The following NUDT4 variants were observed in gnomAD, a reference collection of about 807,000 sequenced individuals.
NUDT4 encodes diphosphoinositol polyphosphate phosphohydrolase 2.
In NUDT4, 5 loss-of-function variants were observed where a neutral mutation model predicts 23.1. The ratio of observed to expected loss-of-function variants is 0.22; its 90% CI spans 0.11 to 0.46. The LOEUF (loss-of-function observed/expected upper bound fraction) is 0.46. Ranked by LOEUF, NUDT4 falls within the 20% of genes least tolerant of loss-of-function variation. NUDT4 has a pLI of 0.99. For missense variants in NUDT4, 96 were observed against 211.6 expected, an observed-to-expected ratio of 0.45 and a Z score of 3.39; for synonymous variants, 50 against 79.0, an observed-to-expected ratio of 0.63 and a Z score of 1.95.
Position 93,383,530 on chromosome 12 carries a change from C to T in NUDT4, c.99+5109C>T, listed in dbSNP as rs572823572. ...TAATTTGGAAAGAAAGAATAGCAAC[C>T]TCGAAACAGTTTCTGAGTAGGCCAG... On this transcript the variant is annotated intron_variant, in intron 1 of 4. Coordinates refer to ENST00000415493, the MANE Select transcript of NUDT4 (RefSeq NM_019094.6). Among the ~76,000 whole-genome samples the T allele has an allele frequency of 1.2e-4, 19 of 152,176 alleles. 1 individual carries two copies. The highest frequency in any genetic ancestry group is 7.3e-5 in the Non-Finnish European group (5 of 68,034).
intron 1 of NUDT4, among the ~76,000 whole-genome samples, chr12:93,389,471 T>G (rs1876332066): frequency 6.6e-6 from 1 of 151,718 alleles, no homozygotes; most frequent in Admixed American, 6.6e-5. Context: ...CTTATCAAAT[T>G]TATATACTAT....
rs1877210559 is a variant in NUDT4 at position 93,399,435 on chromosome 12, T to G, written c.*56T>G. 1 of 487,286 alleles carries G rather than the reference T, an allele frequency of 2.1e-6. No homozygotes were observed. The highest frequency in any genetic ancestry group is 4.2e-5 in the Admixed American group (1 of 23,796). 30.2% of individuals were successfully genotyped at this position (487,286 alleles called of 1,614,324 possible). On this transcript the variant is annotated 3_prime_UTR_variant, in exon 5 of 5. Transcript: ENST00000415493. ...GCAGTCTCATGGGGAGAGGCTTCTT[T>G]CGTTTCCTCGTCAAACATCTGATTG...
intron 1 of NUDT4, among the ~76,000 whole-genome samples, chr12:93,392,031 G>A (rs1761435934): frequency 6.6e-6 from 1 of 151,614 alleles, no homozygotes; most frequent in African/African-American, 2.4e-5. Context: ...CTACAGGAAT[G>A]TGCTACCACA....
chr12:93,380,755 A>G (rs1038915554), intron 1 of NUDT4, among the ~76,000 whole-genome samples: 3 of 152,206 alleles, frequency 2.0e-5, no homozygotes, highest in African/African-American at 4.8e-5. Context: ...TTGTTTCTCT[A>G]TGAATTTGCC....
chr12:93,402,684 G>C lies in NUDT4; in HGVS notation c.*3305G>C, dbSNP rs1022723442. On this transcript the variant is annotated 3_prime_UTR_variant, in exon 5 of 5. Transcript: ENST00000415493. The stretch of plus-strand genomic sequence containing the variant: ...TGCCAGTCTAATAGTATAGTATGTG[G>C]TTGCTTTACTGCTGTTCTCCCCACC... 7.9e-5 allele frequency: 12 copies of C among 152,236 alleles called. No homozygotes were observed. In the South Asian group the frequency reaches 8.3e-4, roughly 11 times the overall value. 9.4% of individuals were successfully genotyped at this position (152,236 alleles called of 1,614,324 possible).
In NUDT4 at chr12:93,402,106, A is replaced by G. The variant is rs532323293; in HGVS notation, c.*2727A>G. 2 of 150,796 alleles carry G rather than the reference A, an allele frequency of 1.3e-5. No individual in the cohort carries two copies. Among genetic ancestry groups the G allele is most frequent in the East Asian group, 3.9e-4 (2 of 5,160 alleles). The allele number at this position is 150,796 out of a possible 1,614,324, so 9.3% of individuals were successfully genotyped here. On this transcript the variant is annotated 3_prime_UTR_variant, in exon 5 of 5. Coordinates refer to ENST00000415493, the MANE Select transcript of NUDT4 (RefSeq NM_019094.6). ...CAGATGACATTTTCTGACCAGGCAC[A>G]TGCCATCCAATTTTCTGTCAATCAC...
rs934702742 is a variant in NUDT4, at chr12:93,395,548, A to C, written c.255+15A>C. ...GCATATTTGAGGTGAGTTAAAAAGTAATCTTCACTTTGCTGATAATAGAAT... is the reference window on the plus strand; with the variant it reads ...GCATATTTGAGGTGAGTTAAAAAGTCATCTTCACTTTGCTGATAATAGAAT... On this transcript the variant is annotated intron_variant, in intron 3 of 4. Coordinates refer to ENST00000415493, the MANE Select transcript of NUDT4 (RefSeq NM_019094.6). 2 of 1,589,862 alleles carry C rather than the reference A, an allele frequency of 1.3e-6. No individual in the cohort carries two copies. The highest frequency in any genetic ancestry group is 2.2e-5 in the East Asian group (1 of 44,718).
chr12:93,379,168 AGGAGTAGCCT>A (rs1297059466), intron 1 of NUDT4, among the ~76,000 whole-genome samples: 5 of 152,362 alleles, frequency 3.3e-5, no homozygotes, highest in African/African-American at 1.2e-4. Flanking sequence ...ACATCTGGAA[AGGAGTAGCCT>A]TTCTCGTTCT....
chr12:93,394,810 A>T, intron 2 of NUDT4, 91 bp downstream of exon 2: 1 of 713,182 alleles, frequency 1.4e-6, no homozygotes, highest in South Asian at 1.8e-5. Context: ...CGGGTCCAGG[A>T]GTGCTTTTTG....
chr12:93,397,222 T>G (rs1170677039), intron 3 of NUDT4, among the ~76,000 whole-genome samples: 1 of 152,222 alleles, frequency 6.6e-6, no homozygotes, highest in Admixed American at 6.5e-5. Flanking sequence ...GCATAATAAA[T>G]GTACTGATTT....
intron 1 of NUDT4, among the ~76,000 whole-genome samples, chr12:93,383,811 G>A (rs778379719): frequency 6.6e-5 from 10 of 152,188 alleles, no homozygotes; most frequent in Non-Finnish European, 1.3e-4. Context: ...CAGCCTGGGC[G>A]ACAGAGCGAG....
At chr12:93,387,187 C>A (rs1308054207) in intron 1 of NUDT4, among the ~76,000 whole-genome samples, 1 of 152,160 alleles carries the variant, frequency 6.6e-6, no homozygotes, top group South Asian at 2.1e-4. Context: ...CTGCCTCGGC[C>A]TCCCAAAGTG....
At position 93,405,635 on chromosome 12, in the gene NUDT4, G is replaced by A. The variant is rs907419570; in HGVS notation, c.*6256G>A. The A allele has an allele frequency of 6.6e-6, 1 of 152,228 alleles. No individual in the cohort carries two copies. Among genetic ancestry groups the A allele is most frequent in the African/African-American group, 2.4e-5 (1 of 41,454 alleles). 9.4% of individuals were successfully genotyped at this position (152,228 alleles called of 1,614,324 possible). On this transcript the variant is annotated 3_prime_UTR_variant, in exon 5 of 5. Coordinates refer to ENST00000415493, the MANE Select transcript of NUDT4 (RefSeq NM_019094.6). Reference sequence around the variant, plus strand: ...CTGACTTCCACGATAAAATGGAGATGAGTGCAGGGGTGAGTGTATAGTTAA... The same window carrying A: ...CTGACTTCCACGATAAAATGGAGATAAGTGCAGGGGTGAGTGTATAGTTAA...
intron 1 of NUDT4, among the ~76,000 whole-genome samples, chr12:93,393,464 A>G (rs916554710): frequency 1.4e-4 from 21 of 152,114 alleles, no homozygotes; most frequent in African/African-American, 5.1e-4. Context: ...TAAGGGCCAG[A>G]CAAACATTTT....
chr12:93,394,028 A>T (rs1338994410), intron 1 of NUDT4, among the ~76,000 whole-genome samples: 1 of 152,034 alleles, frequency 6.6e-6, no homozygotes, highest in East Asian at 1.9e-4. Context: ...TTTTTTTGAG[A>T]TGGAGTCTCT....
chr12:93,392,243 T>TCCCCC (rs377016882), intron 1 of NUDT4, among the ~76,000 whole-genome samples: 2 of 118,386 alleles, frequency 1.7e-5, no homozygotes, highest in Non-Finnish European at 3.4e-5. Flanking sequence ...TTCCTTTGTT[T>TCCCCC]CCCCCCCCCC....
rs1592736206 is a variant in NUDT4 at position 93,404,825 on chromosome 12, G to A, written c.*5446G>A. The A allele has an allele frequency of 6.6e-6, 1 of 151,974 alleles. No homozygotes were observed. Among genetic ancestry groups the A allele is most frequent in the Non-Finnish European group, 1.5e-5 (1 of 68,016 alleles). 9.4% of individuals were successfully genotyped at this position (151,974 alleles called of 1,614,324 possible). On this transcript the variant is annotated 3_prime_UTR_variant, in exon 5 of 5. Transcript: ENST00000415493. Reference sequence around the variant, plus strand: ...TTGGGAAATAGACATGAGCAGGGCAGAGAACTACAACCTACAGGCCAAACC... The same window carrying A: ...TTGGGAAATAGACATGAGCAGGGCAAAGAACTACAACCTACAGGCCAAACC...
rs549877701 is a variant in NUDT4 at position 93,406,579 on chromosome 12, C to T, written c.*7200C>T. 1.3e-5 allele frequency: 2 copies of T among 152,250 alleles called. No homozygotes were observed. Among genetic ancestry groups the T allele is most frequent in the Admixed American group, 6.5e-5 (1 of 15,284 alleles). 9.4% of individuals were successfully genotyped at this position (152,250 alleles called of 1,614,324 possible). On this transcript the variant is annotated 3_prime_UTR_variant, in exon 5 of 5. Transcript: ENST00000415493. ...CCTCCATATCCATGGGTTCCACTTCCGTGGATTCAAACAACCAGACAAAAT... is the reference window on the plus strand; with the variant it reads ...CCTCCATATCCATGGGTTCCACTTCTGTGGATTCAAACAACCAGACAAAAT...
chr12:93,394,008 C>T (rs762573327), intron 1 of NUDT4, among the ~76,000 whole-genome samples: 1 of 152,072 alleles, frequency 6.6e-6, no homozygotes, highest in Admixed American at 6.5e-5. Flanking sequence ...AGCCAAGTTT[C>T]TGTTTTTTGT....
Sources: gnomAD v4.1 joint callset for allele counts (sites outside exome capture counted in the v4.1 genomes callset) on GRCh38, gnomAD v4.1.1 for gene constraint, MANE v1.5 for transcripts, NCBI Gene and HGNC (gene_info 2026-07-23, HGNC 2026-07-21) for gene names.